AKAP12: variants seen among roughly 807,000 people sequenced by gnomAD.
AKAP12 encodes the protein A-kinase anchor protein 12.
A neutral mutation model predicts 79.9 loss-of-function variants in AKAP12; 32 were observed. The observed-to-expected ratio is 0.40, with a 90% confidence interval of 0.30 to 0.54. The LOEUF (loss-of-function observed/expected upper bound fraction) is 0.54, where lower values mean the gene tolerates loss of function less well. AKAP12 is among the 20% of genes least tolerant of loss of function. AKAP12 has a pLI of 0.48. For missense variants in AKAP12, 2,074 were observed against 2,177.0 expected, an observed-to-expected ratio of 0.95 and a Z score of 0.94; for synonymous variants, 808 against 857.0, an observed-to-expected ratio of 0.94 and a Z score of 1.00.
intron 2 of AKAP12, among the ~76,000 whole-genome samples, chr6:151,271,198 G>A (rs1233677521): frequency 2.6e-5 from 4 of 151,980 alleles, no homozygotes; most frequent in Non-Finnish European, 5.9e-5. Context: ...TTTTGTTGTT[G>A]CTGAACTTTT....
Position 151,275,531 on chromosome 6 carries a change from G to A in AKAP12, c.163-30216G>A, listed in dbSNP as rs192395814. Reference sequence around the variant, plus strand: ...TGAGACCTTCACTCAGAAATTCCACGATAGCAGACGTCACCTTTCTCATGT... The same window carrying A: ...TGAGACCTTCACTCAGAAATTCCACAATAGCAGACGTCACCTTTCTCATGT... On this transcript the variant is annotated intron_variant, in intron 2 of 4. Transcript: ENST00000402676. 3.3e-5 allele frequency among the ~76,000 whole-genome samples: 5 copies of A among 152,302 alleles called. No homozygotes were observed. In the East Asian group the frequency reaches 9.6e-4, roughly 29 times the overall value.
intron 3 of AKAP12, among the ~76,000 whole-genome samples, chr6:151,326,427 A>C (rs1369115378): frequency 6.6e-6 from 1 of 151,980 alleles, no homozygotes; most frequent in African/African-American, 2.4e-5. Context: ...GGTGGTTTTA[A>C]TAAAGCCATA....
intron 2 of AKAP12, among the ~76,000 whole-genome samples, chr6:151,241,800 C>G (rs1796981601): frequency 7.3e-6 from 1 of 136,644 alleles, no homozygotes; most frequent in Non-Finnish European, 1.5e-5. Flanking sequence ...TGAGTTATCG[C>G]AGGAGGTGTA....
chr6:151,340,224 G>A (rs569394235), intron 3 of AKAP12, among the ~76,000 whole-genome samples: 8 of 147,152 alleles, frequency 5.4e-5, no homozygotes, highest in African/African-American at 7.5e-5. Context: ...GAGCCACCGC[G>A]CCCAGCGGTG....
intron 3 of AKAP12, among the ~76,000 whole-genome samples, chr6:151,332,002 C>G (rs893044811): frequency 2.0e-5 from 3 of 149,116 alleles, no homozygotes; most frequent in Non-Finnish European, 4.4e-5. Context: ...TAGCTGGGAC[C>G]CTACTGAGTA....
intron 2 of AKAP12, among the ~76,000 whole-genome samples, chr6:151,284,680 C>G (rs1776466214): frequency 6.6e-6 from 1 of 152,158 alleles, no homozygotes; most frequent in South Asian, 2.1e-4. Context: ...TGTCTTATTT[C>G]TCTCTTCCCT....
Position 151,240,573 on chromosome 6 carries a change from G to A in AKAP12, c.11G>A (p.Gly4Glu), listed in dbSNP as rs781774970. The A allele has an allele frequency of 4.3e-4, 622 of 1,445,462 alleles. No individual in the cohort carries two copies. The highest frequency in any genetic ancestry group is 5.5e-4 in the Non-Finnish European group (605 of 1,105,588). The allele number at this position is 1,445,462 out of a possible 1,614,324, so 89.5% of individuals were successfully genotyped here. MGA[G>E]SSTEQRSPEQ... ...AAGTGCGGAGGAGCCATGGGCGCCG[G>A]GAGCTCCACCGAGCAGCGCAGCCCG... The change falls in exon 2 of 5, where the codon GGG becomes GAG. Residue 4 changes from glycine to glutamate, a missense_variant. Gly to Glu is a moderately conservative substitution (Grantham distance 98). This residue lies in a region of AKAP12 where 1,428 missense variants were observed against 1,451.0 expected (regional missense o/e 0.98). Coordinates refer to ENST00000402676, the MANE Select transcript of AKAP12 (RefSeq NM_005100.4).
rs371916572 is a variant in AKAP12 at position 151,350,467 on chromosome 6, A to G, written c.2076A>G (p.Ala692=). 5 of 1,614,040 alleles carry G rather than the reference A, an allele frequency of 3.1e-6. No homozygotes were observed. The African/African-American group carries it at 6.7e-5, about 22-fold the overall frequency. ...LICVGSSKKR[A]RRGSSSDEEG... ...GTGTGGGATCATCCAAGAAAAGAGC[A>G]AGGAGAGGGTCCTCTTCTGATGAGG... Residue 692 remains alanine, a synonymous_variant, in exon 4 of 5, where the codon GCA becomes GCG. Transcript: ENST00000402676. The surrounding 1 kb of genome is among the most constrained non-coding windows in gnomAD (Gnocchi z 4.8).
intron 3 of AKAP12, among the ~76,000 whole-genome samples, chr6:151,347,427 T>C (rs1778129683): frequency 6.6e-6 from 1 of 152,240 alleles, no homozygotes; most frequent in Non-Finnish European, 1.5e-5. Flanking sequence ...TAAAACTTGA[T>C]GGATTCTTGT....
At chr6:151,302,618 C>T (rs1177324573) in intron 2 of AKAP12, among the ~76,000 whole-genome samples, 1 of 151,664 alleles carries the variant, frequency 6.6e-6, no homozygotes, top group Non-Finnish European at 1.5e-5. Context: ...TTGGTAGAAC[C>T]CTAAACTCTA....
chr6:151,335,794 A>G (rs372969915), intron 3 of AKAP12, among the ~76,000 whole-genome samples: 13 of 152,200 alleles, frequency 8.5e-5, no homozygotes, highest in African/African-American at 2.9e-4. Context: ...GTTTAGATTC[A>G]GGGGATACAT....
intron 2 of AKAP12, among the ~76,000 whole-genome samples, chr6:151,294,703 C>G (rs1776688406): frequency 6.6e-6 from 1 of 152,198 alleles, no homozygotes; most frequent in Non-Finnish European, 1.5e-5. Context: ...TGATCTCCCA[C>G]CTAACCAGAT....
At chr6:151,345,384 T>C (rs1479125260) in intron 3 of AKAP12, among the ~76,000 whole-genome samples, 3 of 152,022 alleles carry the variant, frequency 2.0e-5, no homozygotes, top group Non-Finnish European at 4.4e-5. Flanking sequence ...TAGTTATAAT[T>C]ATTAACCTTC....
At chr6:151,325,070 A>G (rs1777489390) in intron 3 of AKAP12, 1 of 985,472 alleles carries the variant, frequency 1.0e-6, no homozygotes, top group Non-Finnish European at 1.2e-6. Flanking sequence ...TGAAGACAGC[A>G]CTTGTTAGAA....
Position 151,350,004 on chromosome 6 carries a change from G to A in AKAP12, c.1613G>A (p.Gly538Glu). 6.2e-7 allele frequency: 1 copy of A among 1,614,126 alleles called. No homozygotes were observed. The highest frequency in any genetic ancestry group is 8.5e-7 in the Non-Finnish European group (1 of 1,180,026). Residue 538 changes from glycine to glutamate, a missense_variant, in exon 4 of 5, where the codon GGA becomes GAA. Transcript: ENST00000402676. The surrounding 1 kb of genome is among the most constrained non-coding windows in gnomAD (Gnocchi z 4.8). ...LSGKKQKGKR[G>E]GGDEESGEHT... ...GGAAAGAAACAGAAAGGGAAAAGAG[G>A]AGGAGGAGACGAGGAATCAGGGGAG...
chr6:151,289,885 T>G (rs1776577851), intron 2 of AKAP12, among the ~76,000 whole-genome samples: 1 of 152,206 alleles, frequency 6.6e-6, no homozygotes, highest in Non-Finnish European at 1.5e-5. Flanking sequence ...TGAGAGATGT[T>G]TAATTTGCAA....
intron 2 of AKAP12, among the ~76,000 whole-genome samples, chr6:151,247,792 A>T (rs1440337070): frequency 6.6e-6 from 1 of 152,212 alleles, no homozygotes; most frequent in Non-Finnish European, 1.5e-5. Context: ...GGCTCTGTTA[A>T]CTGGATGGTA....
intron 3 of AKAP12, 79 bp from the exon 4 acceptor site, chr6:151,348,632 C>CT (rs1479693918): frequency 4.6e-6 from 5 of 1,086,390 alleles, no homozygotes; most frequent in Admixed American, 2.6e-5. Flanking sequence ...GAGTGAGGCC[C>CT]TGTCGGAGAA....
At position 151,311,832 on chromosome 6, in the gene AKAP12, AC is replaced by A. The variant is rs1305815711; in HGVS notation, c.319+5930del. On this transcript the variant is annotated intron_variant, in intron 3 of 4. Coordinates refer to ENST00000402676, the MANE Select transcript of AKAP12 (RefSeq NM_005100.4). The stretch of plus-strand genomic sequence containing the variant: ...CCCTCCCTAAAGATCTTGTTACCTT[AC>A]AGAAAATCCATTCTGAGTTAAAAGT... 4.6e-5 allele frequency among the ~76,000 whole-genome samples: 7 copies of A among 152,278 alleles called. No homozygotes were observed. The East Asian group carries it at 1.4e-3, about 29-fold the overall frequency.
Sources: allele counts gnomAD v4.1 joint callset (sites outside exome capture counted in the v4.1 genomes callset), GRCh38; gene constraint gnomAD v4.1.1; regional missense constraint gnomAD v4.1.1; non-coding constraint Gnocchi (gnomAD v3.1); transcripts MANE v1.5; gene names NCBI Gene and HGNC (gene_info 2026-07-23, HGNC 2026-07-21).